PEBP4: variants seen among roughly 807,000 people sequenced by gnomAD.
PEBP4 encodes phosphatidylethanolamine-binding protein 4.
Under a neutral mutation model 23.9 loss-of-function variants are expected in PEBP4, and 22 were observed. The observed-to-expected ratio is 0.92, with a 90% CI of 0.66 to 1.31. The LOEUF (loss-of-function observed/expected upper bound fraction) is 1.31. PEBP4 is among the 40% of genes most tolerant of loss of function. PEBP4 has a pLI of 0.00. For missense variants in PEBP4, 324 were observed against 281.7 expected (o/e 1.15, Z -1.07); for synonymous variants, 112 against 99.3 (o/e 1.13, Z -0.76).
chr8:22,929,437 G>C (rs985154969), upstream of PEBP4, among the ~76,000 whole-genome samples: 2 of 152,168 alleles, frequency 1.3e-5, no homozygotes, highest in Non-Finnish European at 2.9e-5. Context: ...CAGTGATGGC[G>C]GCCTGGAAGA....
At chr8:22,742,765 G>A (rs1412118831) in intron 4 of PEBP4, among the ~76,000 whole-genome samples, 1 of 152,182 alleles carries the variant, frequency 6.6e-6, no homozygotes, top group Non-Finnish European at 1.5e-5. Flanking sequence ...GGCTACGAGA[G>A]AGTCCCCTTT....
intron 3 of PEBP4, among the ~76,000 whole-genome samples, chr8:22,913,847 G>A (rs999170065): frequency 2.0e-5 from 3 of 152,160 alleles, no homozygotes; most frequent in Non-Finnish European, 4.4e-5. Context: ...GTCTTGCTCT[G>A]TTGCCCAGGC....
At chr8:22,773,430 G>A (rs771715458) in intron 4 of PEBP4, among the ~76,000 whole-genome samples, 2 of 152,152 alleles carry the variant, frequency 1.3e-5, no homozygotes, top group Non-Finnish European at 2.9e-5. Flanking sequence ...GAAGAAAGGC[G>A]GGGAGGGAGG....
At chr8:22,714,380 C>T (rs1281161348) in intron 6 of PEBP4, among the ~76,000 whole-genome samples, 1 of 152,000 alleles carries the variant, frequency 6.6e-6, no homozygotes, top group Non-Finnish European at 1.5e-5. Context: ...AGATGCTTGC[C>T]AGGAAAAGGC....
chr8:22,895,300 G>A (rs1428967381), intron 3 of PEBP4: 2 of 152,128 alleles, frequency 1.3e-5, no homozygotes, highest in East Asian at 1.9e-4. Flanking sequence ...TTGATATAAA[G>A]CAAGGAATCT....
At chr8:22,823,055 A>T (rs561021364) in intron 3 of PEBP4, among the ~76,000 whole-genome samples, 1 of 152,206 alleles carries the variant, frequency 6.6e-6, no homozygotes, top group South Asian at 2.1e-4. Flanking sequence ...TGGAGATATT[A>T]ACATATCTTA....
chr8:22,932,528 C>T (rs957070563), upstream of PEBP4, among the ~76,000 whole-genome samples: 2 of 151,690 alleles, frequency 1.3e-5, no homozygotes, highest in African/African-American at 4.8e-5. Flanking sequence ...CACACATATA[C>T]ACACACACAC....
At chr8:22,928,090 A>G (rs2457425), upstream of PEBP4, among the ~76,000 whole-genome samples, 60,076 of 151,852 alleles carry the variant, frequency 0.4, 12,687 homozygotes, top group East Asian at 0.6. Context: ...CTGTTGGCCC[A>G]GGGATGGTCA....
upstream of PEBP4, among the ~76,000 whole-genome samples, chr8:22,929,612 T>C (rs1809423463): frequency 6.6e-6 from 1 of 152,310 alleles, no homozygotes; most frequent in Non-Finnish European, 1.5e-5. Context: ...CACAGTGACA[T>C]TAGTTAAAAC....
chr8:22,811,222 A>G (rs1349852609), intron 4 of PEBP4, among the ~76,000 whole-genome samples: 1 of 152,234 alleles, frequency 6.6e-6, no homozygotes, highest in Non-Finnish European at 1.5e-5. Context: ...AAGCTATTTC[A>G]AATGAACAAT....
intron 3 of PEBP4, among the ~76,000 whole-genome samples, chr8:22,870,021 C>A (rs1807977469): frequency 6.6e-6 from 1 of 152,188 alleles, no homozygotes; most frequent in South Asian, 2.1e-4. Flanking sequence ...ACTAAGCATA[C>A]TCCTAGCATA....
intron 4 of PEBP4, among the ~76,000 whole-genome samples, chr8:22,796,325 T>C (rs1314166385): frequency 6.6e-6 from 1 of 151,982 alleles, no homozygotes; most frequent in Non-Finnish European, 1.5e-5. Context: ...CCCCACTGGG[T>C]TTTGAGTTCC....
intron 3 of PEBP4, 116 bp from the exon 4 acceptor site, chr8:22,817,851 C>T (rs531625056): frequency 2.6e-4 from 223 of 859,688 alleles, no homozygotes; most frequent in Non-Finnish European, 3.5e-4. Flanking sequence ...GCCCCTATGG[C>T]GTCCCATCCA....
intron 4 of PEBP4, among the ~76,000 whole-genome samples, chr8:22,748,350 GAGA>G (rs1040639798): frequency 9.2e-5 from 14 of 152,154 alleles, no homozygotes; most frequent in African/African-American, 3.1e-4. Flanking sequence ...ACAGTGTGGA[GAGA>G]AGAAGATACT....
rs1805211121 is a variant in PEBP4, at chr8:22,749,806, T to TTTTTTTTTTTTTTTTTTTTTG, written c.358-22587_358-22586insCAAAAAAAAAAAAAAAAAAAA. On this transcript the variant is annotated intron_variant, in intron 4 of 6. Coordinates refer to ENST00000256404, the MANE Select transcript of PEBP4 (RefSeq NM_144962.3). ...TCTCCTGATTCTCAGTTTGTCATTC[T>TTTTTTTTTTTTTTTTTTTTTG]TTTTTTTTTTTTTTTTTGAGATGGA... Among the ~76,000 whole-genome samples the TTTTTTTTTTTTTTTTTTTTTG allele has an allele frequency of 5.1e-5, 2 of 38,938 alleles. 1 individual carries two copies. Among genetic ancestry groups the TTTTTTTTTTTTTTTTTTTTTG allele is most frequent in the Non-Finnish European group, 1.1e-4 (2 of 17,832 alleles). The allele number at this position is 38,938 out of a possible 152,430, so 25.5% of individuals were successfully genotyped here.
intron 3 of PEBP4, among the ~76,000 whole-genome samples, chr8:22,905,852 G>T (rs1439578119): frequency 1.3e-5 from 2 of 152,206 alleles, no homozygotes; most frequent in Non-Finnish European, 2.9e-5. Flanking sequence ...TACTGAAAAA[G>T]GTACACCTCA....
chr8:22,925,193 G>A, intron 2 of PEBP4: 4 of 985,380 alleles, frequency 4.1e-6, no homozygotes, highest in Non-Finnish European at 4.8e-6. Context: ...CTCCTCTTTT[G>A]CGATGATGGC....
At chr8:22,753,456 C>T (rs1417643464) in intron 4 of PEBP4, among the ~76,000 whole-genome samples, 1 of 152,172 alleles carries the variant, frequency 6.6e-6, no homozygotes, top group Non-Finnish European at 1.5e-5. Flanking sequence ...AATTTTCTTC[C>T]CTTGGATATA....
intron 2 of PEBP4, among the ~76,000 whole-genome samples, chr8:22,921,140 G>A (rs140432952): frequency 6.6e-6 from 1 of 152,234 alleles, no homozygotes; most frequent in Non-Finnish European, 1.5e-5. Flanking sequence ...TGACACTCAG[G>A]AACACAGGTA....
Sources: allele counts gnomAD v4.1 joint callset (sites outside exome capture counted in the v4.1 genomes callset), GRCh38; gene constraint gnomAD v4.1.1; transcripts MANE v1.5; gene names NCBI Gene and HGNC (gene_info 2026-07-23, HGNC 2026-07-21).